TMEM201: variants seen among roughly 807,000 people sequenced by gnomAD.
TMEM201 encodes the protein transmembrane protein 201.
In TMEM201, 26 loss-of-function variants were observed where a neutral mutation model predicts 63.4. That is an observed-to-expected ratio of 0.41 (90% CI 0.30 to 0.57). The LOEUF is 0.57. TMEM201 is among the 20% of genes least tolerant of loss of function. The pLI is 0.29. For synonymous variants in TMEM201, 417 were observed against 421.6 expected, an observed-to-expected ratio of 0.99 and a Z score of 0.14; for missense variants, 794 against 917.7, an observed-to-expected ratio of 0.87 and a Z score of 1.74.
In TMEM201 at chr1:9,610,382, C is replaced by T; in HGVS notation, c.1466-124C>T. 2.0e-6 allele frequency: 2 copies of T among 1,019,994 alleles called. No homozygotes were observed. Among genetic ancestry groups the T allele is most frequent in the Non-Finnish European group, 2.8e-6 (2 of 719,930 alleles). The allele number at this position is 1,019,994 out of a possible 1,614,324, so 63.2% of individuals were successfully genotyped here. A position where few individuals can be genotyped will look rare whatever the true frequency, so the allele number is the denominator to read the frequency against. On this transcript the variant is annotated intron_variant, in intron 8 of 10. Coordinates refer to ENST00000340381, the MANE Select transcript of TMEM201 (RefSeq NM_001130924.3). The surrounding 1 kb of genome is among the most constrained non-coding windows in gnomAD (Gnocchi z 4.9). ...TTTGCAGCAGGACTTCCCCCTGTCC[C>T]CAGTCTCTGCACCTTTCCTGTCTTC...
intron 10 of TMEM201, among the ~76,000 whole-genome samples, chr1:9,612,286 A>C (rs1163266912): frequency 6.6e-6 from 1 of 152,222 alleles, no homozygotes; most frequent in East Asian, 1.9e-4. Flanking sequence ...AAGTGCCCAG[A>C]GAGCCTGGGT....
rs1416608008 is a variant in TMEM201, at chr1:9,604,105, G to A, written c.1160+1833G>A. The A allele has an allele frequency of 7.1e-6, 7 of 985,454 alleles. No individual in the cohort carries two copies. Among genetic ancestry groups the A allele is most frequent in the Middle Eastern group, 1.0e-3 (2 of 1,914 alleles). 61.0% of individuals were successfully genotyped at this position (985,454 alleles called of 1,614,324 possible). A position where few individuals can be genotyped will look rare whatever the true frequency, so the allele number is the denominator to read the frequency against. The stretch of plus-strand genomic sequence containing the variant: ...CGTGGTGGAGCCAGGACGGGAAAGC[G>A]TCCTGTCGGCTGGCCATGCTGTTGC... On this transcript the variant is annotated intron_variant, in intron 6 of 10. Transcript: ENST00000340381. This position sits in a 1 kb window ranked among gnomAD's most constrained non-coding sequence, Gnocchi z 4.1.
chr1:9,590,352 C>T (rs1158288127), intron 1 of TMEM201, among the ~76,000 whole-genome samples: 2 of 152,176 alleles, frequency 1.3e-5, no homozygotes, highest in African/African-American at 4.8e-5. Flanking sequence ...GTCCAGCACC[C>T]GGTGTTCTTC....
chr1:9,612,643 A>T (rs1255045752), intron 10 of TMEM201, among the ~76,000 whole-genome samples: 1 of 152,160 alleles, frequency 6.6e-6, no homozygotes, highest in Non-Finnish European at 1.5e-5. Context: ...GGAGGCCTGG[A>T]TGGGGTGCTC....
intron 2 of TMEM201, 56 bp downstream of exon 2, chr1:9,596,066 T>C: frequency 6.3e-7 from 1 of 1,589,374 alleles, no homozygotes; most frequent in Non-Finnish European, 8.5e-7. Flanking sequence ...ATCTTGAGAT[T>C]TGCACCTTGA....
Position 9,597,009 on chromosome 1 carries a change from A to G in TMEM201, c.385A>G (p.Thr129Ala). ...LLCKRCNHHQ[T>A]TKIKQLAAFA... Reference sequence around the variant, plus strand: ...GTGCAAGAGGTGCAACCACCACCAGACCACCAAGATCAAGCAGCTGGCCGC... The same window carrying G: ...GTGCAAGAGGTGCAACCACCACCAGGCCACCAAGATCAAGCAGCTGGCCGC... The change falls in exon 3 of 11, where the codon ACC becomes GCC. Residue 129 changes from threonine (T) to alanine (A), a missense_variant. Thr to Ala is a moderately conservative substitution (Grantham distance 58, BLOSUM62 0). Coordinates refer to ENST00000340381, the MANE Select transcript of TMEM201 (RefSeq NM_001130924.3). 1 of 1,611,760 alleles carries G rather than the reference A, an allele frequency of 6.2e-7. No homozygotes were observed. The highest frequency in any genetic ancestry group is 8.5e-7 in the Non-Finnish European group (1 of 1,178,800).
rs532464393 is a variant in TMEM201 at position 9,610,892 on chromosome 1, T to G, written c.1765+87T>G. On this transcript the variant is annotated intron_variant, in intron 9 of 10. Coordinates refer to ENST00000340381, the MANE Select transcript of TMEM201 (RefSeq NM_001130924.3). This position sits in a 1 kb window ranked among gnomAD's most constrained non-coding sequence, Gnocchi z 4.9. ...TGTGCGGCGGTGGGGGGGCTCATCC[T>G]TGCTCTGACTCCGGTGTGCGCCTTC... 5.0e-5 allele frequency: 74 copies of G among 1,492,066 alleles called. No homozygotes were observed. Among genetic ancestry groups the G allele is most frequent in the Non-Finnish European group, 6.5e-5 (73 of 1,117,066 alleles). 92.4% of individuals were successfully genotyped at this position (1,492,066 alleles called of 1,614,324 possible).
rs932748493 is a variant in TMEM201, at chr1:9,603,967, G to A, written c.1160+1695G>A. 9.1e-6 allele frequency: 9 copies of A among 985,340 alleles called. No individual in the cohort carries two copies. The highest frequency in any genetic ancestry group is 1.1e-5 in the Non-Finnish European group (9 of 829,968). 61.0% of individuals were successfully genotyped at this position (985,340 alleles called of 1,614,324 possible). A position where few individuals can be genotyped will look rare whatever the true frequency, so the allele number is the denominator to read the frequency against. ...CCCACTGGTTCTGCAGTGAGGAGTT[G>A]GGGCGGGTGAGCCAAAGCGGCCCCC... On this transcript the variant is annotated intron_variant, in intron 6 of 10. Transcript: ENST00000340381. The surrounding 1 kb of genome is among the most constrained non-coding windows in gnomAD (Gnocchi z 4.5).
In TMEM201 at chr1:9,605,108, G is replaced by GCTCGC. The variant is rs1644218827; in HGVS notation, c.1161-2445_1161-2441dup. On this transcript the variant is annotated intron_variant, in intron 6 of 10. Transcript: ENST00000340381. The surrounding 1 kb of genome is among the most constrained non-coding windows in gnomAD (Gnocchi z 5.7). The stretch of plus-strand genomic sequence containing the variant: ...ATGACACCAGCTGGCTCGGGGCCCG[G>GCTCGC]CTCGCCTCCTCGCCTTTGCTGGATC... The GCTCGC allele has an allele frequency of 1.4e-6, 1 of 722,372 alleles. No homozygotes were observed. Among genetic ancestry groups the GCTCGC allele is most frequent in the African/African-American group, 1.9e-5 (1 of 51,986 alleles). 44.7% of individuals were successfully genotyped at this position (722,372 alleles called of 1,614,324 possible).
chr1:9,592,489 C>T (rs2100448420), intron 1 of TMEM201, among the ~76,000 whole-genome samples: 1 of 152,280 alleles, frequency 6.6e-6, no homozygotes, highest in East Asian at 1.9e-4. Context: ...AGGGCAGGGA[C>T]CAAGCCCCAT....
rs1644351513 is a variant in TMEM201 at position 9,613,386 on chromosome 1, C to A, written c.*303C>A. On this transcript the variant is annotated 3_prime_UTR_variant, in exon 11 of 11. Transcript: ENST00000340381. ...CAAGGGGCTGCATGACCCTGGGGTG[C>A]CCCACACAGTTCAGCCCTGCCTGGC... The A allele has an allele frequency of 2.1e-6, 1 of 478,814 alleles. No individual in the cohort carries two copies. The highest frequency in any genetic ancestry group is 3.8e-6 in the Non-Finnish European group (1 of 262,348). 29.7% of individuals were successfully genotyped at this position (478,814 alleles called of 1,614,324 possible).
intron 7 of TMEM201, 36 bp from the exon 8 acceptor site, chr1:9,609,804 A>G (rs1226851102): frequency 6.5e-7 from 1 of 1,544,254 alleles, no homozygotes; most frequent in African/African-American, 1.4e-5. Context: ...CGTCATCCAC[A>G]GGCCTGACGT....
Position 9,607,899 on chromosome 1 carries a change from G to GCA in TMEM201, c.1393+111_1393+112dup. On this transcript the variant is annotated intron_variant, in intron 7 of 10. Transcript: ENST00000340381. The surrounding 1 kb of genome is among the most constrained non-coding windows in gnomAD (Gnocchi z 5.4). Reference sequence around the variant, plus strand: ...GCCGGGAGTGGTTAGTGTTCCTGCTGCAGAGACAGGCAGCACAGAGCTTTG... The same window carrying GCA: ...GCCGGGAGTGGTTAGTGTTCCTGCTGCACAGAGACAGGCAGCACAGAGCTTTG... The GCA allele has an allele frequency of 9.9e-7, 1 of 1,007,832 alleles. No individual in the cohort carries two copies. Among genetic ancestry groups the GCA allele is most frequent in the Non-Finnish European group, 1.4e-6 (1 of 696,378 alleles). The allele number at this position is 1,007,832 out of a possible 1,614,324, so 62.4% of individuals were successfully genotyped here.
rs1234239595 is a variant in TMEM201, at chr1:9,610,816, C to T, written c.1765+11C>T. ...TGAAGCACGCCCTGGGTACGGCCTT[C>T]TGACCACCCCAAGGGGCCGTGGGAG... On this transcript the variant is annotated intron_variant, in intron 9 of 10. Transcript: ENST00000340381. This position sits in a 1 kb window ranked among gnomAD's most constrained non-coding sequence, Gnocchi z 4.9. 2.0e-6 allele frequency: 3 copies of T among 1,530,182 alleles called. No homozygotes were observed. The highest frequency in any genetic ancestry group is 1.8e-6 in the Non-Finnish European group (2 of 1,134,230). 94.8% of individuals were successfully genotyped at this position (1,530,182 alleles called of 1,614,324 possible).
chr1:9,589,100 C>A, intron 1 of TMEM201, 57 bp downstream of exon 1: 1 of 798,448 alleles, frequency 1.3e-6, no homozygotes, highest in Non-Finnish European at 1.5e-6. Context: ...GGCCCGCCCC[C>A]GCGCCGCCCC....
chr1:9,607,246 A>T lies in TMEM201; in HGVS notation c.1161-311A>T, dbSNP rs1351536428. ...TTTGCTTCAAGGCGAAAGGGTTGGC[A>T]TGAGGTTGGCAAAGGCGACAGTGTC... On this transcript the variant is annotated intron_variant, in intron 6 of 10. Transcript: ENST00000340381. This position sits in a 1 kb window ranked among gnomAD's most constrained non-coding sequence, Gnocchi z 5.4. Among the ~76,000 whole-genome samples, 1 of 151,890 alleles carries T rather than the reference A, an allele frequency of 6.6e-6. No homozygotes were observed. The highest frequency in any genetic ancestry group is 1.5e-5 in the Non-Finnish European group (1 of 67,990).
At chr1:9,609,349 G>A (rs944513902) in intron 7 of TMEM201, among the ~76,000 whole-genome samples, 7 of 152,236 alleles carry the variant, frequency 4.6e-5, no homozygotes, top group Non-Finnish European at 8.8e-5. Flanking sequence ...CCCTTGGGGT[G>A]CGTGCGCCTG....
intron 1 of TMEM201, among the ~76,000 whole-genome samples, chr1:9,591,753 C>A (rs1643922867): frequency 6.6e-6 from 1 of 152,240 alleles, no homozygotes; most frequent in South Asian, 2.1e-4. Flanking sequence ...TGTAACGGCC[C>A]TTCCCGTTTC....
At chr1:9,595,193 G>A (rs1022439709) in intron 1 of TMEM201, among the ~76,000 whole-genome samples, 2 of 152,166 alleles carry the variant, frequency 1.3e-5, no homozygotes, top group African/African-American at 4.8e-5. Context: ...GTAGAGGGGG[G>A]CCCAGAGCAT....
Sources: gnomAD v4.1 joint callset for allele counts (sites outside exome capture counted in the v4.1 genomes callset) on GRCh38, gnomAD v4.1.1 for gene constraint, Gnocchi (gnomAD v3.1) non-coding constraint, MANE v1.5 for transcripts, NCBI Gene and HGNC (gene_info 2026-07-23, HGNC 2026-07-21) for gene names.